Variants in CBLB observed in about 807,000 individuals in gnomAD.
CBLB encodes the protein E3 ubiquitin-protein ligase CBL-B.
A neutral mutation model predicts 104.9 loss-of-function variants in CBLB; 31 were observed. The ratio of observed to expected loss-of-function variants is 0.30; its 90% confidence interval spans 0.22 to 0.40. The LOEUF (loss-of-function observed/expected upper bound fraction) is 0.40, where lower values mean the gene tolerates loss of function less well. Among genes scored for constraint, CBLB ranks in the 10% least tolerant of loss-of-function variants. The pLI is 1.00. For synonymous variants in CBLB, 440 were observed against 422.6 expected, an observed-to-expected ratio of 1.04 and a Z score of -0.51; for missense variants, 1,062 against 1,214.6, an observed-to-expected ratio of 0.87 and a Z score of 1.87.
chr3:105,731,821 T>C (rs1324267597), intron 9 of CBLB, among the ~76,000 whole-genome samples: 2 of 152,220 alleles, frequency 1.3e-5, no homozygotes, highest in Non-Finnish European at 2.9e-5. Context: ...GTCAAACTCA[T>C]AGCAGCTTCT....
At chr3:105,829,700 A>C (rs1310264034) in intron 3 of CBLB, among the ~76,000 whole-genome samples, 7 of 77,998 alleles carry the variant, frequency 9.0e-5, no homozygotes, top group South Asian at 1.2e-3. Context: ...AAAAAAAAAA[A>C]ACCAAACTGC....
At chr3:105,682,181 A>G (rs910459335) in intron 14 of CBLB, 2 of 219,780 alleles carry the variant, frequency 9.1e-6, no homozygotes, top group Non-Finnish European at 1.8e-5. Flanking sequence ...AAAAACATAT[A>G]GCAGTCTCAA....
chr3:105,786,065 G>GGGGC (rs1553794735), intron 3 of CBLB, among the ~76,000 whole-genome samples: 8 of 139,272 alleles, frequency 5.7e-5, no homozygotes, highest in Non-Finnish European at 9.3e-5. Flanking sequence ...GAGGATCGGG[G>GGGGC]GGGGGAAAGT....
chr3:105,829,513 G>C (rs974899943), intron 3 of CBLB, among the ~76,000 whole-genome samples: 8 of 151,676 alleles, frequency 5.3e-5, no homozygotes, highest in African/African-American at 1.9e-4. Flanking sequence ...TTAAAAATCA[G>C]CCAGGCATAG....
chr3:105,772,433 C>G (rs1005800974), intron 4 of CBLB, among the ~76,000 whole-genome samples: 1 of 152,030 alleles, frequency 6.6e-6, no homozygotes, highest in African/African-American at 2.4e-5. Flanking sequence ...AAGATAACAT[C>G]AAAGAAACTC....
chr3:105,799,584 ATACAAGTGATT>A (rs536597485), intron 3 of CBLB, among the ~76,000 whole-genome samples: 301 of 152,312 alleles, frequency 2.0e-3, no homozygotes, highest in Non-Finnish European at 3.3e-3. Context: ...ATAAGATTAC[ATACAAGTGATT>A]TTTTTATTTA....
At chr3:105,787,707 T>C (rs1001248573) in intron 3 of CBLB, among the ~76,000 whole-genome samples, 40 of 152,222 alleles carry the variant, frequency 2.6e-4, no homozygotes, top group African/African-American at 8.7e-4. Flanking sequence ...ATGCCAAGAA[T>C]CTAACATAGA....
At chr3:105,804,247 G>A (rs747968188) in intron 3 of CBLB, among the ~76,000 whole-genome samples, 2 of 152,018 alleles carry the variant, frequency 1.3e-5, no homozygotes, top group Non-Finnish European at 2.9e-5. Flanking sequence ...AAAGCCGGGC[G>A]TGGTGGCTCA....
rs2092486722 is a variant in CBLB, at chr3:105,867,398, G to A, written c.168+12C>T. 6.2e-7 allele frequency: 1 copy of A among 1,613,708 alleles called. No individual in the cohort carries two copies. The highest frequency in any genetic ancestry group is 1.3e-5 in the African/African-American group (1 of 74,932). ...ATAGTGTTTCGCACAGGCAACGTCA[G>A]ACAGAACTTACCACTTTGTCCATGA... On this transcript the variant is annotated intron_variant, in intron 2 of 18. Transcript: ENST00000394030.
At chr3:105,842,895 A>G (rs1311358666) in intron 3 of CBLB, among the ~76,000 whole-genome samples, 1 of 152,226 alleles carries the variant, frequency 6.6e-6, no homozygotes, top group Non-Finnish European at 1.5e-5. Context: ...CTTACATATA[A>G]TGCAACTTAT....
At chr3:105,665,301 T>G (rs1553699922) in intron 18 of CBLB, among the ~76,000 whole-genome samples, 1 of 151,334 alleles carries the variant, frequency 6.6e-6, no homozygotes, top group Non-Finnish European at 1.5e-5. Context: ...GAGAATTGCT[T>G]GAACCCGGAA....
intron 10 of CBLB, among the ~76,000 whole-genome samples, chr3:105,707,382 T>A (rs1453053049): frequency 6.6e-6 from 1 of 152,068 alleles, no homozygotes; most frequent in Non-Finnish European, 1.5e-5. Flanking sequence ...AGAAAAAAAA[T>A]ATCTTTCATC....
chr3:105,740,597 G>A lies in CBLB; in HGVS notation c.880C>T (p.Gln294Ter). The A allele has an allele frequency of 2.5e-6, 4 of 1,613,906 alleles. No homozygotes were observed. The highest frequency in any genetic ancestry group is 2.2e-5 in the East Asian group (1 of 44,874). ...IFRLSCTRLG[Q>*]WAIGYVTGDG... ...CCAGTCACATAGCCAATGGCCCACT[G>A]TCCCAATCGAGTGCAACTTAACCGG... The change falls in exon 7 of 19, where the codon CAG becomes TAG. Residue 294 changes from glutamine to a stop codon, truncating the protein, a stop_gained. Transcript: ENST00000394030. LOFTEE classifies it high-confidence loss of function.
At chr3:105,851,803 A>T (rs2090986363) in intron 3 of CBLB, among the ~76,000 whole-genome samples, 1 of 152,244 alleles carries the variant, frequency 6.6e-6, no homozygotes, top group Non-Finnish European at 1.5e-5. Context: ...ATGACATTTC[A>T]GTCAAGGACA....
chr3:105,754,509 GAGAGAGAGAGAGAC>G (rs1306840546), intron 4 of CBLB, among the ~76,000 whole-genome samples: 15 of 91,838 alleles, frequency 1.6e-4, no homozygotes, highest in Admixed American at 8.0e-4. Flanking sequence ...GAGAGAGAGA[GAGAGAGAGAGAGAC>G]AGAGAGAGAG....
chr3:105,832,749 A>G (rs1369173553), intron 3 of CBLB, among the ~76,000 whole-genome samples: 1 of 152,216 alleles, frequency 6.6e-6, no homozygotes, highest in East Asian at 1.9e-4. Flanking sequence ...GTAGCTCAAG[A>G]TGAGTGCATT....
chr3:105,843,616 C>T (rs1048126194), intron 3 of CBLB, among the ~76,000 whole-genome samples: 2 of 151,910 alleles, frequency 1.3e-5, no homozygotes, highest in Non-Finnish European at 2.9e-5. Flanking sequence ...AAGGTACTTA[C>T]AAATTCAATT....
intron 10 of CBLB, among the ~76,000 whole-genome samples, chr3:105,708,298 A>C (rs2070513877): frequency 6.6e-6 from 1 of 152,106 alleles, no homozygotes. Context: ...AAGACTGTGA[A>C]CTGTGCTAAT....
chr3:105,743,374 C>T (rs1279142925), intron 6 of CBLB, among the ~76,000 whole-genome samples: 2 of 150,820 alleles, frequency 1.3e-5, no homozygotes, highest in African/African-American at 2.4e-5. Flanking sequence ...GCATGAGAAT[C>T]GTTTGAACCC....
Sources: gnomAD v4.1 joint callset for allele counts (sites outside exome capture counted in the v4.1 genomes callset) on GRCh38, gnomAD v4.1.1 for gene constraint, MANE v1.5 for transcripts, NCBI Gene and HGNC (gene_info 2026-07-23, HGNC 2026-07-21) for gene names.